SUPT7L: variants seen among roughly 807,000 people sequenced by gnomAD.
SUPT7L encodes STAGA complex 65 subunit gamma.
Under a neutral mutation model 35.7 loss-of-function variants are expected in SUPT7L, and 15 were observed. That is an observed-to-expected ratio of 0.42 (90% CI 0.28 to 0.65). SUPT7L has a LOEUF of 0.65. Among genes scored for constraint, SUPT7L ranks in the 30% least tolerant of loss-of-function variants. The pLI, the probability that SUPT7L is intolerant of heterozygous loss-of-function variation, is 0.23. For missense variants in SUPT7L, 434 were observed against 522.2 expected (o/e 0.83, Z 1.65); for synonymous variants, 168 against 186.2 (o/e 0.90, Z 0.79).
At chr2:27,659,396 C>A (rs763547960) in intron 3 of SUPT7L, among the ~76,000 whole-genome samples, 13 of 152,020 alleles carry the variant, frequency 8.6e-5, no homozygotes, top group Non-Finnish European at 1.9e-4. Context: ...GTATTCTTGC[C>A]GAACATATTT....
intron 1 of SUPT7L, among the ~76,000 whole-genome samples, chr2:27,662,872 T>A (rs1378998246): frequency 1.3e-5 from 2 of 151,878 alleles, no homozygotes; most frequent in Non-Finnish European, 2.9e-5. Flanking sequence ...CTCAACCTCC[T>A]GGGACCAAGC....
At chr2:27,654,508 T>C (rs1379510029) in intron 5 of SUPT7L, among the ~76,000 whole-genome samples, 1 of 152,216 alleles carries the variant, frequency 6.6e-6, no homozygotes, top group East Asian at 1.9e-4. Flanking sequence ...TCAGTTGTCC[T>C]GGCTCCTAAG....
chr2:27,658,054 C>A (rs1030676350), intron 3 of SUPT7L, among the ~76,000 whole-genome samples: 1 of 152,178 alleles, frequency 6.6e-6, no homozygotes, highest in African/African-American at 2.4e-5. Flanking sequence ...AGTTTTCATA[C>A]ATGCTGGGCA....
chr2:27,658,177 A>G (rs531492484), intron 3 of SUPT7L, among the ~76,000 whole-genome samples: 1 of 152,310 alleles, frequency 6.6e-6, no homozygotes, highest in East Asian at 1.9e-4. Context: ...CCATTTCAAA[A>G]CAGGGAAGTC....
At position 27,651,726 on chromosome 2, in the gene SUPT7L, C is replaced by T. The variant is rs1225985327; in HGVS notation, c.*1759G>A. On this transcript the variant is annotated 3_prime_UTR_variant, in exon 6 of 6. Coordinates refer to ENST00000337768, the MANE Select transcript of SUPT7L (RefSeq NM_014860.3). ...CTTAATCATTTTTGTATTCCTTGCA[C>T]AGGACCTAGCAAATAATTGGTACTC... 2.0e-5 allele frequency: 3 copies of T among 152,212 alleles called. No homozygotes were observed. Among genetic ancestry groups the T allele is most frequent in the Admixed American group, 6.5e-5 (1 of 15,278 alleles). The allele number at this position is 152,212 out of a possible 1,614,324, so 9.4% of individuals were successfully genotyped here.
At position 27,659,377 on chromosome 2, in the gene SUPT7L, A is replaced by C. The variant is rs993257602; in HGVS notation, c.419+1607T>G. On this transcript the variant is annotated intron_variant, in intron 3 of 5. Coordinates refer to ENST00000337768, the MANE Select transcript of SUPT7L (RefSeq NM_014860.3). The stretch of plus-strand genomic sequence containing the variant: ...GATGTAATAAATAACATATAATATC[A>C]CTTCTGTAGTATTCTTGCCGAACAT... 3.3e-5 allele frequency among the ~76,000 whole-genome samples: 5 copies of C among 152,186 alleles called. No individual in the cohort carries two copies. In the East Asian group the frequency reaches 5.8e-4, roughly 18 times the overall value.
rs1260877662 is a variant in SUPT7L, at chr2:27,651,069, A to G, written c.*2416T>C. ...AACTTAATGCAAAGTCTCCTTGGTG[A>G]TTTTCGCAAAGTCCGTGGATTTGGG... On this transcript the variant is annotated 3_prime_UTR_variant, in exon 6 of 6. Transcript: ENST00000337768. The G allele has an allele frequency of 1.3e-5, 2 of 152,320 alleles. No homozygotes were observed. Among genetic ancestry groups the G allele is most frequent in the Admixed American group, 6.5e-5 (1 of 15,276 alleles). 9.4% of individuals were successfully genotyped at this position (152,320 alleles called of 1,614,324 possible).
chr2:27,644,522 T>A, the SUPT7L span, among the ~76,000 whole-genome samples: 5 of 152,160 alleles, frequency 3.3e-5, no homozygotes, highest in Non-Finnish European at 7.3e-5. Context: ...TATATACCTA[T>A]GTTAAAGAGG....
chr2:27,661,590 A>C, intron 2 of SUPT7L: 1 of 1,417,744 alleles, frequency 7.1e-7, no homozygotes, highest in Non-Finnish European at 9.2e-7. Flanking sequence ...TGTAGGACCA[A>C]AGGTGTTCTC....
At chr2:27,655,010 G>T (rs1349542895) in intron 5 of SUPT7L, among the ~76,000 whole-genome samples, 1 of 152,164 alleles carries the variant, frequency 6.6e-6, no homozygotes, top group Non-Finnish European at 1.5e-5. Context: ...GCATCAGGAA[G>T]GACCAATACA....
At position 27,661,272 on chromosome 2, in the gene SUPT7L, G is replaced by T. The variant is rs753378560; in HGVS notation, c.131C>A (p.Ala44Asp). The T allele has an allele frequency of 6.2e-6, 10 of 1,613,672 alleles. No individual in the cohort carries two copies. The highest frequency in any genetic ancestry group is 8.5e-6 in the Non-Finnish European group (10 of 1,179,726). The stretch of plus-strand genomic sequence containing the variant: ...CATAGTGGGGGGCTTCGGCTTGTTG[G>T]CTGAGGGTTGGTGCAGGGGTGGGTC... ...VHDPPLHQPS[A>D]NKPKPPTMLD... The change falls in exon 3 of 6, where the codon GCC becomes GAC. Residue 44 changes from alanine (A) to aspartate (D), a missense_variant. By Grantham distance (126) the Ala-to-Asp change is moderately radical. Coordinates refer to ENST00000337768, the MANE Select transcript of SUPT7L (RefSeq NM_014860.3).
Position 27,653,497 on chromosome 2 carries a change from C to A in SUPT7L, c.1233G>T (p.Met411Ile). The change falls in exon 6 of 6, where the codon ATG (methionine) becomes ATT (isoleucine). Residue 411 changes from methionine to isoleucine, a missense_variant. Physicochemically the swap from Met to Ile is conservative, Grantham distance 10. Around this residue, in one of 3 missense-constraint regions of SUPT7L, gnomAD observed 159 missense variants for 217.1 expected, o/e 0.73. Coordinates refer to ENST00000337768, the MANE Select transcript of SUPT7L (RefSeq NM_014860.3). The part of the protein sequence containing the change: ...PVFNQRCKKR[M>I]RKI ...CCCTCTTTTCCTTTTATATTTTCCT[C>A]ATCCTCTTCTTGCAGCGCTGGTTGA... is the stretch of plus-strand genomic sequence containing the variant. The A allele has an allele frequency of 6.2e-7, 1 of 1,613,934 alleles. No homozygotes were observed. The highest frequency in any genetic ancestry group is 1.3e-5 in the African/African-American group (1 of 75,050).
chr2:27,653,851 T>C lies in SUPT7L; in HGVS notation c.983-104A>G, dbSNP rs1674672891. 3 of 1,417,876 alleles carry C rather than the reference T, an allele frequency of 2.1e-6. No homozygotes were observed. The East Asian group carries it at 6.9e-5, about 33-fold the overall frequency. 87.8% of individuals were successfully genotyped at this position (1,417,876 alleles called of 1,614,324 possible). On this transcript the variant is annotated intron_variant, in intron 5 of 5. Coordinates refer to ENST00000337768, the MANE Select transcript of SUPT7L (RefSeq NM_014860.3). ...CAGAACCAACTAATATGCTTTGAGC[T>C]CAGTTTTCACTCTGATTCTGTACTT...
chr2:27,650,187 GA>G (rs1674458889), downstream of SUPT7L: 1 of 1,590,496 alleles, frequency 6.3e-7, no homozygotes, highest in Admixed American at 1.7e-5. Context: ...TACTGGAAGA[GA>G]AACAATAAAT....
chr2:27,660,206 G>A (rs551471667), intron 3 of SUPT7L, among the ~76,000 whole-genome samples: 2 of 152,010 alleles, frequency 1.3e-5, no homozygotes, highest in South Asian at 4.2e-4. Context: ...GAGTAGCAGG[G>A]ATCAATAACA....
chr2:27,654,246 A>G (rs1411246746), intron 5 of SUPT7L, among the ~76,000 whole-genome samples: 2 of 152,212 alleles, frequency 1.3e-5, no homozygotes, highest in Admixed American at 6.5e-5. Context: ...TTGAAGAGAC[A>G]TGGTCCCGAA....
At chr2:27,661,991 A>C in intron 2 of SUPT7L, 188 bp downstream of exon 2, 1 of 728,998 alleles carries the variant, frequency 1.4e-6, no homozygotes, top group Non-Finnish European at 2.2e-6. Context: ...AGAACGTGAG[A>C]GATTTCTGCT....
In SUPT7L at chr2:27,661,177, G is replaced by C. The variant is rs1413662476; in HGVS notation, c.226C>G (p.Leu76Val). ...TGAGCTGTGGCAATAAGGTTGCGAA[G>C]ACGTCGGTTGTGCTGAATCAACTGA... ...TIQLIQHNRR[L>V]RNLIATAQAQ... is the part of the protein sequence containing the mutation. Residue 76 changes from leucine (L) to valine (V), a missense_variant, in exon 3 of 6, where the codon CTT (leucine) becomes GTT (valine). Around this residue, in one of 3 missense-constraint regions of SUPT7L, gnomAD observed 77 missense variants for 114.4 expected, o/e 0.67. Coordinates refer to ENST00000337768, the MANE Select transcript of SUPT7L (RefSeq NM_014860.3). 1 of 1,614,164 alleles carries C rather than the reference G, an allele frequency of 6.2e-7. No individual in the cohort carries two copies. The highest frequency in any genetic ancestry group is 2.2e-5 in the East Asian group (1 of 44,888).
At chr2:27,659,519 A>C (rs1244229587) in intron 3 of SUPT7L, among the ~76,000 whole-genome samples, 3 of 152,208 alleles carry the variant, frequency 2.0e-5, no homozygotes, top group Non-Finnish European at 4.4e-5. Context: ...GGTACAATGC[A>C]TGAATCTTTG....
Sources: allele counts gnomAD v4.1 joint callset (sites outside exome capture counted in the v4.1 genomes callset), GRCh38; gene constraint gnomAD v4.1.1; regional missense constraint gnomAD v4.1.1; transcripts MANE v1.5; gene names NCBI Gene and HGNC (gene_info 2026-07-23, HGNC 2026-07-21).